The following BPGM variants were observed in gnomAD, a reference collection of about 807,000 sequenced individuals.
BPGM encodes the protein bisphosphoglycerate mutase.
Under a neutral mutation model 21.6 loss-of-function variants are expected in BPGM, and 15 were observed. That is an observed-to-expected ratio of 0.70 (90% CI 0.47 to 1.07). BPGM has a LOEUF of 1.07. Ranked by LOEUF, BPGM falls within the 50% of genes least tolerant of loss-of-function variation. BPGM has a pLI of 0.00. For missense variants in BPGM, 273 were observed against 319.0 expected, an observed-to-expected ratio of 0.86 and a Z score of 1.10; for synonymous variants, 113 against 116.2, an observed-to-expected ratio of 0.97 and a Z score of 0.18.
At chr7:134,658,890 G>GTGTTTTTTTTTTTTTTTT (rs1284887799) in intron 1 of BPGM, among the ~76,000 whole-genome samples, 1 of 137,810 alleles carries the variant, frequency 7.3e-6, no homozygotes, top group African/African-American at 2.7e-5. Flanking sequence ...GTGTGTGTGT[G>GTGTTTTTTTTTTTTTTTT]TATTTTTTTT....
chr7:134,659,597 C>T (rs1021857892), intron 1 of BPGM, among the ~76,000 whole-genome samples: 5 of 152,196 alleles, frequency 3.3e-5, no homozygotes, highest in African/African-American at 9.7e-5. Context: ...GGGCTTCCTC[C>T]TTGGGAATTC....
intron 2 of BPGM, among the ~76,000 whole-genome samples, chr7:134,667,066 G>A (rs892031688): frequency 7.2e-5 from 11 of 152,122 alleles, no homozygotes; most frequent in African/African-American, 2.7e-4. Flanking sequence ...TACAGGGTTT[G>A]TGTGCTTCTT....
intron 2 of BPGM, among the ~76,000 whole-genome samples, chr7:134,678,410 C>A (rs574364176): frequency 1.3e-5 from 2 of 152,246 alleles, no homozygotes; most frequent in Admixed American, 6.5e-5. Context: ...ACATTTTAAG[C>A]AAATGAACTA....
intron 2 of BPGM, among the ~76,000 whole-genome samples, chr7:134,671,522 C>T (rs775602362): frequency 1.5e-4 from 23 of 152,042 alleles, no homozygotes; most frequent in African/African-American, 4.1e-4. Flanking sequence ...CCACCACGCC[C>T]GGCTAATTTT....
intron 2 of BPGM, among the ~76,000 whole-genome samples, chr7:134,666,066 G>A (rs1413993488): frequency 1.3e-5 from 2 of 151,868 alleles, no homozygotes; most frequent in South Asian, 2.1e-4. Context: ...TTTTAGTAGA[G>A]ATGGGGTTTT....
intron 1 of BPGM, among the ~76,000 whole-genome samples, chr7:134,651,213 A>G (rs549701175): frequency 2.6e-5 from 4 of 152,266 alleles, no homozygotes; most frequent in African/African-American, 9.6e-5. Flanking sequence ...TATTTGTCTT[A>G]TTTTATATAA....
At chr7:134,673,966 G>A (rs1795946410) in intron 2 of BPGM, among the ~76,000 whole-genome samples, 1 of 145,838 alleles carries the variant, frequency 6.9e-6, no homozygotes, top group Non-Finnish European at 1.5e-5. Context: ...AGGCTGGAGT[G>A]CAATGGCACA....
intron 1 of BPGM, among the ~76,000 whole-genome samples, chr7:134,660,154 C>T (rs1337411527): frequency 6.6e-6 from 1 of 152,134 alleles, no homozygotes; most frequent in Non-Finnish European, 1.5e-5. Context: ...AGACTGTTTT[C>T]CCTTCAGAAT....
rs1796021819 is a variant in BPGM at position 134,678,934 on chromosome 7, C to T, written c.683C>T (p.Ala228Val). The change falls in exon 3 of 3, where the codon GCT becomes GTT. Residue 228 changes from alanine to valine, a missense_variant. By Grantham distance (64) the Ala-to-Val change is moderately conservative. Transcript: ENST00000344924. ...CTGGAATTGGATGAAAACCTGCGTG[C>T]TGTTGGGCCTCATCAGTTCCTGGGT... ...ILLELDENLR[A>V]VGPHQFLGDQ... 1 of 1,613,990 alleles carries T rather than the reference C, an allele frequency of 6.2e-7. No homozygotes were observed. Among genetic ancestry groups the T allele is most frequent in the African/African-American group, 1.3e-5 (1 of 75,032 alleles).
intron 1 of BPGM, among the ~76,000 whole-genome samples, chr7:134,654,355 T>C (rs914061360): frequency 2.0e-5 from 3 of 152,206 alleles, no homozygotes; most frequent in African/African-American, 7.2e-5. Flanking sequence ...AACTGAAGAC[T>C]GAGCCTCAGG....
Position 134,661,843 on chromosome 7 carries a change from G to A in BPGM, c.336G>A (p.Val112=), listed in dbSNP as rs376210775. Residue 112 remains valine (V), a synonymous_variant, in exon 2 of 3, where the codon GTG becomes GTA. Transcript: ENST00000344924. This position sits in a 1 kb window ranked among gnomAD's most constrained non-coding sequence, Gnocchi z 4.6. Reference sequence around the variant, plus strand: ...CTTTGAATCATGGTGAAGAACAAGTGAGGCTCTGGAGAAGAAGCTACAATG... The same window carrying A: ...CTTTGAATCATGGTGAAGAACAAGTAAGGCTCTGGAGAAGAAGCTACAATG... ...QMALNHGEEQ[V]RLWRRSYNVT... The A allele has an allele frequency of 1.4e-5, 23 of 1,608,230 alleles. No homozygotes were observed. In the African/African-American group the frequency reaches 2.5e-4, roughly 18 times the overall value.
In BPGM at chr7:134,661,578, G is replaced by C. The variant is rs750543502; in HGVS notation, c.71G>C (p.Ser24Thr). 2 of 1,614,178 alleles carry C rather than the reference G, an allele frequency of 1.2e-6. No individual in the cohort carries two copies. The highest frequency in any genetic ancestry group is 3.3e-5 in the Admixed American group (2 of 60,008). Residue 24 changes from serine to threonine, a missense_variant, in exon 2 of 3, where the codon AGC becomes ACC. By Grantham distance (58) the Ser-to-Thr change is moderately conservative. Transcript: ENST00000344924. This position sits in a 1 kb window ranked among gnomAD's most constrained non-coding sequence, Gnocchi z 4.6. ...GAWNKENRFC[S>T]WVDQKLNSEG... is the part of the protein sequence containing the mutation. ...TGGAATAAGGAGAACCGTTTTTGTA[G>C]CTGGGTGGATCAGAAACTCAACAGC...
intron 2 of BPGM, among the ~76,000 whole-genome samples, chr7:134,666,836 C>A (rs1562970368): frequency 6.6e-6 from 1 of 152,158 alleles, no homozygotes; most frequent in Non-Finnish European, 1.5e-5. Context: ...AATAAGGTCC[C>A]AAGTATTCTT....
At chr7:134,663,941 A>T (rs1012483321) in intron 2 of BPGM, among the ~76,000 whole-genome samples, 2 of 152,216 alleles carry the variant, frequency 1.3e-5, no homozygotes, top group African/African-American at 4.8e-5. Flanking sequence ...TTAACAAATG[A>T]TGGTAAAGAA....
intron 2 of BPGM, among the ~76,000 whole-genome samples, chr7:134,662,359 T>C (rs912651391): frequency 6.6e-6 from 1 of 152,248 alleles, no homozygotes; most frequent in African/African-American, 2.4e-5. Flanking sequence ...TATCACAGAT[T>C]GTGGGTCCCA....
chr7:134,668,197 T>C (rs565033336), intron 2 of BPGM, among the ~76,000 whole-genome samples: 1 of 152,276 alleles, frequency 6.6e-6, no homozygotes, highest in Non-Finnish European at 1.5e-5. Flanking sequence ...ACAGGTGCTG[T>C]TGGAGGAAAC....
intron 2 of BPGM, among the ~76,000 whole-genome samples, chr7:134,666,207 A>T (rs1795818734): frequency 6.6e-6 from 1 of 152,192 alleles, no homozygotes; most frequent in African/African-American, 2.4e-5. Flanking sequence ...GTAGCCTTAC[A>T]TTATAACTCC....
At chr7:134,677,816 C>T (rs868155796) in intron 2 of BPGM, among the ~76,000 whole-genome samples, 2 of 152,178 alleles carry the variant, frequency 1.3e-5, no homozygotes, top group African/African-American at 4.8e-5. Context: ...TCATCTCTTT[C>T]TCATGCCTTC....
intron 2 of BPGM, among the ~76,000 whole-genome samples, chr7:134,667,793 T>A (rs1223807328): frequency 6.6e-6 from 1 of 152,186 alleles, no homozygotes; most frequent in African/African-American, 2.4e-5. Context: ...AATTTTTCCC[T>A]ATTTTGTCTC....
Sources: allele counts gnomAD v4.1 joint callset (sites outside exome capture counted in the v4.1 genomes callset), GRCh38; gene constraint gnomAD v4.1.1; non-coding constraint Gnocchi (gnomAD v3.1); transcripts MANE v1.5; gene names NCBI Gene and HGNC (gene_info 2026-07-23, HGNC 2026-07-21).